The following PCNX1 variants were observed in gnomAD, a reference collection of about 807,000 sequenced individuals.
PCNX1 encodes the protein pecanex 1.
Under a neutral mutation model 242.2 loss-of-function variants are expected in PCNX1, and 78 were observed. The observed-to-expected ratio is 0.32, with a 90% CI of 0.27 to 0.39. The LOEUF (loss-of-function observed/expected upper bound fraction) is 0.39. Among genes scored for constraint, PCNX1 ranks in the 10% least tolerant of loss-of-function variants. The pLI is 1.00. For missense variants in PCNX1, 2,581 were observed against 2,856.5 expected (o/e 0.90, Z 2.20); for synonymous variants, 1,024 against 1,032.9 (o/e 0.99, Z 0.17).
intron 5 of PCNX1, chr14:70,970,064 A>G (rs867634995): frequency 2.0e-5 from 3 of 151,884 alleles, no homozygotes; most frequent in East Asian, 1.9e-4. Flanking sequence ...TTTTAAAACA[A>G]TTAAAGGTGA....
rs978099155 is a variant in PCNX1, at chr14:71,109,961, C to G, written c.*26C>G. On this transcript the variant is annotated 3_prime_UTR_variant, in exon 36 of 36. Transcript: ENST00000304743. ...GCCAGTGTTTATTATAAAGACATTTCTTTTTCCCTCTCAATTCCAAGGCAT... is the reference window on the plus strand; with the variant it reads ...GCCAGTGTTTATTATAAAGACATTTGTTTTTCCCTCTCAATTCCAAGGCAT... 2 of 1,606,056 alleles carry G rather than the reference C, an allele frequency of 1.2e-6. No individual in the cohort carries two copies. The highest frequency in any genetic ancestry group is 4.5e-5 in the East Asian group (2 of 44,824).
intron 7 of PCNX1, among the ~76,000 whole-genome samples, chr14:70,991,030 C>G (rs2059147980): frequency 6.6e-6 from 1 of 151,986 alleles, no homozygotes; most frequent in Non-Finnish European, 1.5e-5. Context: ...AATGAGCCTG[C>G]TGGATACCAC....
At position 71,036,071 on chromosome 14, in the gene PCNX1, C is replaced by T. The variant is rs868229334; in HGVS notation, c.3781C>T (p.Arg1261Ter). 1.3e-6 allele frequency: 2 copies of T among 1,585,872 alleles called. No homozygotes were observed. Among genetic ancestry groups the T allele is most frequent in the Non-Finnish European group, 1.7e-6 (2 of 1,155,922 alleles). Residue 1261 changes from arginine to a stop codon, truncating the protein, a stop_gained, in exon 19 of 36, where the codon CGA becomes TGA. Transcript: ENST00000304743. LOFTEE classifies it high-confidence loss of function. ...PEKLRNSVSERLQSDLVVCIV... is the reference protein window; with the variant it reads ...PEKLRNSVSE ...TTCTTTTTTTTCCCCACAGAGTGAG[C>T]GATTACAGTCTGACCTGGTAGTATG...
intron 8 of PCNX1, among the ~76,000 whole-genome samples, chr14:71,001,510 C>G (rs1416020329): frequency 6.6e-6 from 1 of 152,128 alleles, no homozygotes; most frequent in Non-Finnish European, 1.5e-5. Context: ...AGGAAGACTA[C>G]TAGAATATTA....
At position 70,907,997 on chromosome 14, in the gene PCNX1, C is replaced by T; in HGVS notation, c.147C>T (p.Leu49=). 2.5e-6 allele frequency: 4 copies of T among 1,590,268 alleles called. No individual in the cohort carries two copies. Among genetic ancestry groups the T allele is most frequent in the Non-Finnish European group, 3.4e-6 (4 of 1,170,266 alleles). The part of the protein sequence containing the change: ...WLFLLGLPFT[L]YMALPSTMII... ...TTCTGCTGGGCCTGCCCTTCACCCT[C>T]TACATGGTGAGTGTGGGGGCGGGGA... The change falls in exon 1 of 36, where the codon CTC becomes CTT. Residue 49 remains leucine, a synonymous_variant. Coordinates refer to ENST00000304743, the MANE Select transcript of PCNX1 (RefSeq NM_014982.3).
At chr14:70,991,267 C>T (rs1404394653) in intron 7 of PCNX1, among the ~76,000 whole-genome samples, 5 of 148,636 alleles carry the variant, frequency 3.4e-5, no homozygotes, top group African/African-American at 1.2e-4. Flanking sequence ...TGCAGTGGCG[C>T]GATCTCGGCT....
At chr14:71,104,486 C>T (rs2062554585) in intron 32 of PCNX1, among the ~76,000 whole-genome samples, 2 of 152,106 alleles carry the variant, frequency 1.3e-5, no homozygotes, top group African/African-American at 2.4e-5. Flanking sequence ...CAATTGTCCT[C>T]GTTTGCTTAG....
intron 19 of PCNX1, among the ~76,000 whole-genome samples, chr14:71,038,742 A>G (rs896874368): frequency 4.6e-5 from 7 of 152,120 alleles, no homozygotes; most frequent in African/African-American, 1.4e-4. Context: ...AAAGGACTAT[A>G]AATCATGCTG....
intron 23 of PCNX1, among the ~76,000 whole-genome samples, chr14:71,051,198 A>G (rs935970100): frequency 1.3e-5 from 1 of 75,186 alleles, no homozygotes; most frequent in Non-Finnish European, 2.8e-5. Flanking sequence ...AAAAAAAAAA[A>G]TCATAACCTT....
chr14:71,065,173 A>G (rs752800473), intron 26 of PCNX1, among the ~76,000 whole-genome samples: 10 of 152,210 alleles, frequency 6.6e-5, no homozygotes, highest in Non-Finnish European at 1.0e-4. Flanking sequence ...TTCTAGTTCT[A>G]GATTCTTGAG....
chr14:70,972,299 A>G (rs1019206528), intron 5 of PCNX1, among the ~76,000 whole-genome samples: 4 of 152,176 alleles, frequency 2.6e-5, no homozygotes, highest in Admixed American at 1.3e-4. Context: ...TTCAGGGCCT[A>G]TCAGGTGCTG....
intron 13 of PCNX1, 51 bp downstream of exon 13, chr14:71,023,283 T>G (rs529597644): frequency 7.4e-7 from 1 of 1,358,462 alleles, no homozygotes; most frequent in East Asian, 2.3e-5. Context: ...ACATTTATCA[T>G]AATATTTGTG....
At chr14:71,070,586 CA>C (rs1299984722) in intron 26 of PCNX1, among the ~76,000 whole-genome samples, 1 of 152,138 alleles carries the variant, frequency 6.6e-6, no homozygotes, top group African/African-American at 2.4e-5. Context: ...GGTGCATTGT[CA>C]ATGAGTAGTA....
intron 1 of PCNX1, among the ~76,000 whole-genome samples, chr14:70,939,704 G>A (rs939478773): frequency 2.0e-5 from 3 of 152,152 alleles, no homozygotes; most frequent in Admixed American, 6.5e-5. Context: ...TTTCTGTCTC[G>A]TTGATCTGTC....
chr14:71,109,784 T>G lies in PCNX1; in HGVS notation c.6886-11T>G. On this transcript the variant is annotated splice_polypyrimidine_tract_variant and intron_variant, in intron 35 of 35. Coordinates refer to ENST00000304743, the MANE Select transcript of PCNX1 (RefSeq NM_014982.3). ...CCAGTGCTAACTTCTTGTTTTATTCTGAATCATTAGGTGATTCACCGATGG... is the reference window on the plus strand; with the variant it reads ...CCAGTGCTAACTTCTTGTTTTATTCGGAATCATTAGGTGATTCACCGATGG... 1 of 1,613,688 alleles carries G rather than the reference T, an allele frequency of 6.2e-7. No homozygotes were observed. The highest frequency in any genetic ancestry group is 8.5e-7 in the Non-Finnish European group (1 of 1,179,608).
At chr14:70,985,420 G>A (rs1362748289) in intron 6 of PCNX1, among the ~76,000 whole-genome samples, 1 of 152,036 alleles carries the variant, frequency 6.6e-6, no homozygotes, top group Non-Finnish European at 1.5e-5. Context: ...CATCATGTTG[G>A]TCAGGCTGAT....
At chr14:70,968,015 C>T (rs1271702954) in intron 3 of PCNX1, among the ~76,000 whole-genome samples, 183 bp from the exon 4 acceptor site, 1 of 152,108 alleles carries the variant, frequency 6.6e-6, no homozygotes, top group African/African-American at 2.4e-5. Context: ...GCAGCCTGTG[C>T]CGCAGCCAAC....
chr14:71,068,316 G>A (rs2061497444), intron 26 of PCNX1, among the ~76,000 whole-genome samples: 2 of 151,666 alleles, frequency 1.3e-5, no homozygotes, highest in South Asian at 4.1e-4. Flanking sequence ...GGGTGACAGA[G>A]TGAGACTCCA....
At chr14:70,951,135 C>T (rs1026874038) in intron 2 of PCNX1, among the ~76,000 whole-genome samples, 2 of 152,060 alleles carry the variant, frequency 1.3e-5, no homozygotes, top group Non-Finnish European at 2.9e-5. Context: ...TTTATCACAA[C>T]ACCATTCATT....
Sources: gnomAD v4.1 joint callset for allele counts (sites outside exome capture counted in the v4.1 genomes callset) on GRCh38, gnomAD v4.1.1 for gene constraint, MANE v1.5 for transcripts, NCBI Gene and HGNC (gene_info 2026-07-23, HGNC 2026-07-21) for gene names.